Variants in ZBTB20 observed in about 807,000 individuals in gnomAD.
ZBTB20 encodes zinc finger and BTB domain-containing protein 20.
ZBTB20 carries 9 observed loss-of-function variants against 56.9 expected under a neutral mutation model. The ratio of observed to expected loss-of-function variants is 0.16; its 90% confidence interval spans 0.10 to 0.28. The LOEUF (loss-of-function observed/expected upper bound fraction) is 0.28, where lower values mean the gene tolerates loss of function less well. Among genes scored for constraint, ZBTB20 ranks in the 10% least tolerant of loss-of-function variants. ZBTB20 has a pLI of 1.00. For synonymous variants in ZBTB20, 417 were observed against 420.7 expected, an observed-to-expected ratio of 0.99 and a Z score of 0.11; for missense variants, 655 against 1,003.0, an observed-to-expected ratio of 0.65 and a Z score of 4.69.
chr3:114,420,759 C>T (rs191519843), intron 7 of ZBTB20, among the ~76,000 whole-genome samples: 1 of 152,104 alleles, frequency 6.6e-6, no homozygotes, highest in Non-Finnish European at 1.5e-5. Flanking sequence ...TAGAAGATTA[C>T]AAATAAGACC....
intron 2 of ZBTB20, among the ~76,000 whole-genome samples, chr3:114,986,729 TTA>T (rs2078562054): frequency 6.6e-6 from 1 of 152,144 alleles, no homozygotes; most frequent in African/African-American, 2.4e-5. Context: ...TTTAAACGCA[TTA>T]TATGTTTTTC....
Position 114,351,735 on chromosome 3 carries a change from G to T in ZBTB20, c.343C>A (p.Leu115Met). The change falls in exon 11 of 12, where the codon CTG becomes ATG. Residue 115 changes from leucine to methionine, a missense_variant. Physicochemically the swap from Leu to Met is conservative, Grantham distance 15. Coordinates refer to ENST00000675478, the MANE Select transcript of ZBTB20 (RefSeq NM_001348800.3). ...GCCAGCACGCAGCGGTGTGCGCGCAGCATGCTCCCGTGGATGCGCACCGTT... is the reference window on the plus strand; with the variant it reads ...GCCAGCACGCAGCGGTGTGCGCGCATCATGCTCCCGTGGATGCGCACCGTT... ...DVTVRIHGSM[L>M]RAHRCVLAAG... 6.2e-7 allele frequency: 1 copy of T among 1,614,046 alleles called. No individual in the cohort carries two copies. The highest frequency in any genetic ancestry group is 8.5e-7 in the Non-Finnish European group (1 of 1,180,020).
At chr3:114,849,898 C>CTT (rs34170211) in intron 4 of ZBTB20, among the ~76,000 whole-genome samples, 21,132 of 114,770 alleles carry the variant, frequency 0.18, 3,208 homozygotes, top group East Asian at 0.6. Context: ...ATCAGGAAAT[C>CTT]TTTTTTTTTT....
intron 4 of ZBTB20, among the ~76,000 whole-genome samples, chr3:114,833,829 G>A (rs1363391268): frequency 6.6e-6 from 1 of 151,688 alleles, no homozygotes; most frequent in African/African-American, 2.4e-5. Context: ...ACTGCACCTG[G>A]CCGAGGGTCT....
chr3:114,346,756 G>A (rs947668394), intron 11 of ZBTB20, among the ~76,000 whole-genome samples: 3 of 147,850 alleles, frequency 2.0e-5, no homozygotes, highest in African/African-American at 5.0e-5. Flanking sequence ...TGTGATCTCC[G>A]CTCACTGTAA....
At chr3:114,918,568 T>G (rs1017338015) in intron 3 of ZBTB20, among the ~76,000 whole-genome samples, 4 of 152,116 alleles carry the variant, frequency 2.6e-5, no homozygotes, top group African/African-American at 7.2e-5. Flanking sequence ...AAAGGCTCTT[T>G]AGTCAGCAGG....
At chr3:115,048,487 T>C (rs1248344725) in intron 2 of ZBTB20, among the ~76,000 whole-genome samples, 8 of 152,176 alleles carry the variant, frequency 5.3e-5, no homozygotes, top group Non-Finnish European at 1.2e-4. Flanking sequence ...TTTATACTGA[T>C]AAATCATAAT....
chr3:114,444,935 T>C (rs9870073), intron 7 of ZBTB20, among the ~76,000 whole-genome samples: 36,107 of 152,100 alleles, frequency 0.24, 4,609 homozygotes, highest in Admixed American at 0.34. Context: ...AAATTCTACA[T>C]GGTCCTCGAC....
At chr3:115,111,881 T>G (rs2083892319) in intron 1 of ZBTB20, among the ~76,000 whole-genome samples, 2 of 152,144 alleles carry the variant, frequency 1.3e-5, no homozygotes, top group Admixed American at 1.3e-4. Context: ...TCCCTGAATA[T>G]CAACCCTAGC....
chr3:114,728,168 G>T (rs375709592), intron 5 of ZBTB20, among the ~76,000 whole-genome samples: 1 of 152,122 alleles, frequency 6.6e-6, no homozygotes, highest in Admixed American at 6.6e-5. Context: ...ATTCCTAGGA[G>T]GTCCCAATTC....
chr3:114,514,017 T>C (rs935859095), intron 6 of ZBTB20, among the ~76,000 whole-genome samples: 14 of 152,228 alleles, frequency 9.2e-5, no homozygotes, highest in African/African-American at 3.4e-4. Context: ...TATGTATATA[T>C]AACAGATATT....
At chr3:114,793,313 T>C (rs982360007) in intron 5 of ZBTB20, among the ~76,000 whole-genome samples, 5 of 152,178 alleles carry the variant, frequency 3.3e-5, no homozygotes, top group Non-Finnish European at 5.9e-5. Flanking sequence ...TTATTAAACA[T>C]TGGAATTATT....
chr3:114,943,698 AG>A (rs2076795614), intron 3 of ZBTB20, among the ~76,000 whole-genome samples: 1 of 145,448 alleles, frequency 6.9e-6, no homozygotes, highest in Admixed American at 6.6e-5. Flanking sequence ...TGATAATAAA[AG>A]AAGAAGCATT....
intron 10 of ZBTB20, among the ~76,000 whole-genome samples, chr3:114,360,184 G>A (rs563192030): frequency 6.6e-6 from 1 of 150,806 alleles, no homozygotes; most frequent in African/African-American, 2.4e-5. Context: ...CTCTGTTGCT[G>A]TGCTGTTCTG....
intron 6 of ZBTB20, among the ~76,000 whole-genome samples, chr3:114,554,000 G>T (rs956711280): frequency 6.6e-6 from 1 of 152,140 alleles, no homozygotes; most frequent in African/African-American, 2.4e-5. Context: ...CTGCCAAATT[G>T]TAATATCATA....
chr3:115,070,413 G>T lies in ZBTB20; in HGVS notation c.-507+806C>A, dbSNP rs556879930. Among the ~76,000 whole-genome samples the T allele has an allele frequency of 5.9e-5, 9 of 152,134 alleles. No individual in the cohort carries two copies. The South Asian group carries it at 1.7e-3, about 28-fold the overall frequency. On this transcript the variant is annotated intron_variant, in intron 2 of 11. Coordinates refer to ENST00000675478, the MANE Select transcript of ZBTB20 (RefSeq NM_001348800.3). ...AACAAATTCAAAAACAAACACAAAT[G>T]ACTGTAGATAAGCATGGCAGCAGGT...
intron 7 of ZBTB20, among the ~76,000 whole-genome samples, chr3:114,407,504 A>C (rs1320160454): frequency 6.6e-6 from 1 of 152,164 alleles, no homozygotes; most frequent in Non-Finnish European, 1.5e-5. Context: ...CCAGCAATGT[A>C]ACTAACATAA....
intron 1 of ZBTB20, among the ~76,000 whole-genome samples, chr3:115,116,836 C>T (rs1330052514): frequency 1.3e-5 from 2 of 152,056 alleles, no homozygotes; most frequent in Non-Finnish European, 2.9e-5. Flanking sequence ...ATCTCTTCCA[C>T]AAAAACTCAA....
chr3:114,788,530 A>G (rs1454375336), intron 5 of ZBTB20, among the ~76,000 whole-genome samples: 1 of 152,108 alleles, frequency 6.6e-6, no homozygotes, highest in East Asian at 1.9e-4. Flanking sequence ...CTATGTATGG[A>G]CCACATTTTG....
Sources: allele counts gnomAD v4.1 joint callset (sites outside exome capture counted in the v4.1 genomes callset), GRCh38; gene constraint gnomAD v4.1.1; transcripts MANE v1.5; gene names NCBI Gene and HGNC (gene_info 2026-07-23, HGNC 2026-07-21).